The following PNISR variants were observed in gnomAD, a reference collection of about 807,000 sequenced individuals.
PNISR encodes arginine/serine-rich protein PNISR.
PNISR carries 20 observed loss-of-function variants against 93.4 expected under a neutral mutation model. The observed-to-expected ratio is 0.21, with a 90% confidence interval of 0.15 to 0.31. PNISR has a LOEUF of 0.31. PNISR is among the 10% of genes least tolerant of loss of function. PNISR has a pLI of 1.00. For synonymous variants in PNISR, 305 were observed against 306.5 expected (o/e 0.99, Z 0.05); for missense variants, 893 against 985.4 (o/e 0.91, Z 1.25).
At chr6:99,414,768 G>C in intron 2 of PNISR, 78 bp from the exon 3 acceptor site, 1 of 612,724 alleles carries the variant, frequency 1.6e-6, no homozygotes, top group South Asian at 2.9e-5. Context: ...ATTATTATAT[G>C]ATGATACATT....
intron 8 of PNISR, among the ~76,000 whole-genome samples, chr6:99,405,108 C>T (rs986272988): frequency 3.3e-5 from 5 of 151,894 alleles, no homozygotes; most frequent in African/African-American, 1.2e-4. Flanking sequence ...TATTTTTAGA[C>T]ATCAGAGCAG....
At chr6:99,424,219 A>AG (rs1264312430) in intron 1 of PNISR, among the ~76,000 whole-genome samples, 1 of 152,230 alleles carries the variant, frequency 6.6e-6, no homozygotes, top group Non-Finnish European at 1.5e-5. Flanking sequence ...AAAGGACTTT[A>AG]GGTAAAATGT....
At chr6:99,403,744 A>G in intron 10 of PNISR, 85 bp downstream of exon 10, 1 of 961,568 alleles carries the variant, frequency 1.0e-6, no homozygotes, top group Non-Finnish European at 1.6e-6. Context: ...TAGGACTAAT[A>G]CAGTTTCAAA....
rs1562239290 is a variant in PNISR, at chr6:99,408,267, T to A, written c.678A>T (p.Ala226=). 6.3e-7 allele frequency: 1 copy of A among 1,599,524 alleles called. No homozygotes were observed. Among genetic ancestry groups the A allele is most frequent in the Admixed American group, 1.8e-5 (1 of 56,778 alleles). The change falls in exon 7 of 12, where the codon GCA becomes GCT. Residue 226 remains alanine, a synonymous_variant. Transcript: ENST00000369239. ...AAGCGGGAAGAGTCCTGCGTTTTAC[T>A]GCGTCTGTTTCACGTGGGAAAAATA... ...PVKQEPPQID[A]VKRRTLPAWI... is the part of the protein sequence containing the mutation.
intron 3 of PNISR, 123 bp from the exon 4 acceptor site, chr6:99,412,862 G>A: frequency 6.9e-6 from 4 of 581,578 alleles, no homozygotes; most frequent in Non-Finnish European, 5.5e-6. Context: ...GAGAGGGTAT[G>A]AGGGAAATTA....
At position 99,401,472 on chromosome 6, in the gene PNISR, T is replaced by C. The variant is rs1775491721; in HGVS notation, c.1486A>G (p.Lys496Glu). 1.9e-6 allele frequency: 3 copies of C among 1,611,756 alleles called. No individual in the cohort carries two copies. The South Asian group carries it at 3.3e-5, about 18-fold the overall frequency. ...TTTTCTTTTTCTTTATGCTCTTTTT[T>C]TGGTTCTAAAACTGATGTGGTTTCA... ...PNETTSVLEP[K>E]KEHKEKEKQG... Residue 496 changes from lysine to glutamate, a missense_variant, in exon 12 of 12, where the codon AAA becomes GAA. Physicochemically the swap from Lys to Glu is moderately conservative, Grantham distance 56 (BLOSUM62 1). Transcript: ENST00000369239.
At position 99,400,455 on chromosome 6, in the gene PNISR, AAG is replaced by A. The variant is rs745923005; in HGVS notation, c.*83_*84del. On this transcript the variant is annotated 3_prime_UTR_variant, in exon 12 of 12. Coordinates refer to ENST00000369239, the MANE Select transcript of PNISR (RefSeq NM_032870.4). ...ATCAAGTACCAAACTGAGTTTATTA[AAG>A]AGAGAGAGAAAGGACACTTTCAACT... 6.0e-6 allele frequency: 9 copies of A among 1,496,450 alleles called. No individual in the cohort carries two copies. Among genetic ancestry groups the A allele is most frequent in the African/African-American group, 1.4e-5 (1 of 71,690 alleles). The allele number at this position is 1,496,450 out of a possible 1,614,324, so 92.7% of individuals were successfully genotyped here. A position where few individuals can be genotyped will look rare whatever the true frequency, so the allele number is the denominator to read the frequency against.
In PNISR at chr6:99,401,264, G is replaced by A. The variant is rs532779537; in HGVS notation, c.1694C>T (p.Thr565Ile). 6 of 1,612,918 alleles carry A rather than the reference G, an allele frequency of 3.7e-6. No homozygotes were observed. The South Asian group carries it at 6.6e-5, about 18-fold the overall frequency. The change falls in exon 12 of 12, where the codon ACA becomes ATA. Residue 565 changes from threonine to isoleucine, a missense_variant. This residue lies in a region of PNISR where 866 missense variants were observed against 935.1 expected (regional missense o/e 0.93). Transcript: ENST00000369239. ...KKRHSRSRSP[T>I]IKARRSRSRS... is the part of the protein sequence containing the mutation. Reference sequence around the variant, plus strand: ...ACTCCTGCTACGTCTAGCTTTGATTGTTGGAGATCTACTCCTACTGTGTCT... The same window carrying A: ...ACTCCTGCTACGTCTAGCTTTGATTATTGGAGATCTACTCCTACTGTGTCT...
intron 1 of PNISR, among the ~76,000 whole-genome samples, chr6:99,417,300 T>A (rs1777827121): frequency 6.6e-6 from 1 of 152,232 alleles, no homozygotes; most frequent in Non-Finnish European, 1.5e-5. Flanking sequence ...TTACTCTAAA[T>A]AAAGGTTATT....
chr6:99,423,465 T>C (rs1778909106), intron 1 of PNISR, among the ~76,000 whole-genome samples: 1 of 152,016 alleles, frequency 6.6e-6, no homozygotes, highest in African/African-American at 2.4e-5. Context: ...GAGAACAGTA[T>C]AAAAAGGGGT....
intron 1 of PNISR, among the ~76,000 whole-genome samples, chr6:99,423,039 T>G (rs918612182): frequency 6.6e-6 from 1 of 151,136 alleles, no homozygotes; most frequent in Non-Finnish European, 1.5e-5. Context: ...CATTCTTCAA[T>G]AAAAGGAATC....
intron 1 of PNISR, among the ~76,000 whole-genome samples, chr6:99,417,554 C>T (rs1777860193): frequency 6.6e-6 from 1 of 152,110 alleles, no homozygotes; most frequent in Admixed American, 6.5e-5. Flanking sequence ...AAATAAGAAA[C>T]ACATAAAAAC....
chr6:99,417,127 T>C (rs1049091737), intron 1 of PNISR, among the ~76,000 whole-genome samples: 1 of 152,238 alleles, frequency 6.6e-6, no homozygotes, highest in African/African-American at 2.4e-5. Context: ...ATAATTTTTC[T>C]GTCTTAAGTT....
intron 11 of PNISR, among the ~76,000 whole-genome samples, chr6:99,401,905 G>C (rs1242287116): frequency 6.6e-6 from 1 of 152,070 alleles, no homozygotes; most frequent in Non-Finnish European, 1.5e-5. Context: ...TTGAAATCTA[G>C]CATGTAATTT....
intron 1 of PNISR, among the ~76,000 whole-genome samples, chr6:99,419,591 C>G (rs946516721): frequency 6.6e-5 from 10 of 151,988 alleles, no homozygotes; most frequent in Non-Finnish European, 1.5e-4. Context: ...ACTCTAAATC[C>G]TATAAGAAAA....
chr6:99,401,734 T>C (rs1775525732), intron 11 of PNISR, 104 bp from the exon 12 acceptor site: 5 of 856,344 alleles, frequency 5.8e-6, no homozygotes, highest in South Asian at 2.9e-5. Flanking sequence ...CCATTTTCAA[T>C]AGAATTACGA....
chr6:99,410,513 C>T (rs779006502), intron 5 of PNISR: 199 of 495,372 alleles, frequency 4.0e-4, no homozygotes, highest in Non-Finnish European at 5.4e-4. Context: ...TTAATTTTTT[C>T]AAAAGTTTTC....
Position 99,409,311 on chromosome 6 carries a change from A to G in PNISR, c.535T>C (p.Phe179Leu), listed in dbSNP as rs1776573571. The G allele has an allele frequency of 6.2e-7, 1 of 1,613,796 alleles. No homozygotes were observed. Among genetic ancestry groups the G allele is most frequent in the African/African-American group, 1.3e-5 (1 of 75,020 alleles). ...CCTGGTTGCCAATAAGGAGGATGAA[A>G]TCCACCTTGCGGTGGACCAAAAGCA... is the stretch of plus-strand genomic sequence containing the variant. ...GAAFGPPQGG[F>L]HPPYWQPGPP... Residue 179 changes from phenylalanine to leucine, a missense_variant, in exon 6 of 12, where the codon TTT becomes CTT. Physicochemically the swap from Phe to Leu is conservative, Grantham distance 22. Around this residue, in one of 3 missense-constraint regions of PNISR, gnomAD observed 866 missense variants for 935.1 expected, o/e 0.93. Coordinates refer to ENST00000369239, the MANE Select transcript of PNISR (RefSeq NM_032870.4).
chr6:99,407,421 C>T (rs1776304134), intron 7 of PNISR, among the ~76,000 whole-genome samples: 1 of 151,158 alleles, frequency 6.6e-6, no homozygotes, highest in Non-Finnish European at 1.5e-5. Context: ...AATAAAAACA[C>T]AGATTTTGCA....
Sources: allele counts gnomAD v4.1 joint callset (sites outside exome capture counted in the v4.1 genomes callset), GRCh38; gene constraint gnomAD v4.1.1; regional missense constraint gnomAD v4.1.1; transcripts MANE v1.5; gene names NCBI Gene and HGNC (gene_info 2026-07-23, HGNC 2026-07-21).